Variants in AP1AR observed in about 807,000 individuals in gnomAD.
AP1AR encodes the protein adaptor related protein complex 1 associated regulatory protein.
In AP1AR, 29 loss-of-function variants were observed where a neutral mutation model predicts 46.3. The observed-to-expected ratio is 0.63, with a 90% CI of 0.47 to 0.85. AP1AR has a LOEUF of 0.85. Among genes scored for constraint, AP1AR ranks in the 40% least tolerant of loss-of-function variants. AP1AR has a pLI of 0.00. For missense variants in AP1AR, 357 were observed against 356.3 expected, an observed-to-expected ratio of 1.00 and a Z score of -0.02; for synonymous variants, 122 against 122.9, an observed-to-expected ratio of 0.99 and a Z score of 0.05.
chr4:112,255,757 G>A (rs1352514363), intron 3 of AP1AR, among the ~76,000 whole-genome samples: 1 of 152,146 alleles, frequency 6.6e-6, no homozygotes. Context: ...AAATGAGAAG[G>A]GAGTGCATTT....
intron 1 of AP1AR, among the ~76,000 whole-genome samples, chr4:112,241,738 A>G (rs995865239): frequency 1.3e-5 from 2 of 152,216 alleles, no homozygotes; most frequent in Non-Finnish European, 2.9e-5. Context: ...TGTCACTGCT[A>G]TCCCTACCTG....
In AP1AR at chr4:112,232,142, G is replaced by A. The variant is rs563869130; in HGVS notation, c.51G>A (p.Ala17=). ...GCTTCGGACTGCTTCGCAAGGAAGC[G>A]GGGCGGCTGCAGCGAGTAGGCGGCG... is the stretch of plus-strand genomic sequence containing the variant. The part of the protein sequence containing the change: ...TQCFGLLRKE[A]GRLQRVGGGG... The change falls in exon 1 of 10, where the codon GCG becomes GCA. Residue 17 remains alanine (A), a synonymous_variant. Transcript: ENST00000274000. 1.5e-5 allele frequency: 19 copies of A among 1,283,946 alleles called. No individual in the cohort carries two copies. The Admixed American group carries it at 3.7e-4, about 25-fold the overall frequency. 79.5% of individuals were successfully genotyped at this position (1,283,946 alleles called of 1,614,324 possible).
intron 1 of AP1AR, among the ~76,000 whole-genome samples, chr4:112,240,343 T>C (rs764375872): frequency 6.6e-6 from 1 of 152,258 alleles, no homozygotes; most frequent in Non-Finnish European, 1.5e-5. Context: ...AACCATCTCC[T>C]ACCCTCCAGA....
intron 6 of AP1AR, among the ~76,000 whole-genome samples, chr4:112,263,464 G>GTT (rs561616152): frequency 5.6e-5 from 8 of 142,346 alleles, no homozygotes; most frequent in Admixed American, 2.1e-4. Context: ...TTTTGTGAGG[G>GTT]TTTTTTTTTT....
intron 1 of AP1AR, among the ~76,000 whole-genome samples, chr4:112,246,845 TAC>T (rs1725745920): frequency 2.6e-5 from 4 of 152,368 alleles, no homozygotes; most frequent in African/African-American, 9.6e-5. Context: ...GGGACTTTTC[TAC>T]AGAGTTTGGC....
chr4:112,237,397 C>T (rs1225624657), intron 1 of AP1AR, among the ~76,000 whole-genome samples: 2 of 152,110 alleles, frequency 1.3e-5, no homozygotes, highest in Non-Finnish European at 2.9e-5. Flanking sequence ...TGAGCCACTG[C>T]GCCTGGCCAA....
At chr4:112,261,842 C>CT (rs1046372683) in intron 5 of AP1AR, among the ~76,000 whole-genome samples, 20 of 151,612 alleles carry the variant, frequency 1.3e-4, no homozygotes, top group East Asian at 7.8e-4. Context: ...TGGTAGCATG[C>CT]ACCTATAGTC....
chr4:112,236,708 T>C (rs572532478), intron 1 of AP1AR, among the ~76,000 whole-genome samples: 2 of 152,048 alleles, frequency 1.3e-5, no homozygotes, highest in East Asian at 3.9e-4. Flanking sequence ...GCCCTAAATT[T>C]AAAAGTCTTT....
chr4:112,255,150 G>A (rs1016695234), intron 3 of AP1AR, among the ~76,000 whole-genome samples: 4 of 151,822 alleles, frequency 2.6e-5, no homozygotes, highest in Admixed American at 6.6e-5. Context: ...TAGTAGAGAC[G>A]GGGTTTCACC....
At chr4:112,265,849 T>A in intron 8 of AP1AR, 42 bp downstream of exon 8, 2 of 1,278,430 alleles carry the variant, frequency 1.6e-6, no homozygotes, top group Non-Finnish European at 2.2e-6. Context: ...TATGCCACAG[T>A]AAACAGATAA....
chr4:112,242,841 C>T (rs567312000), intron 1 of AP1AR, among the ~76,000 whole-genome samples: 9 of 152,286 alleles, frequency 5.9e-5, no homozygotes, highest in East Asian at 3.9e-4. Flanking sequence ...AGAGTGGATA[C>T]GCAGAAGCCT....
chr4:112,248,354 T>C (rs530573411), intron 1 of AP1AR, among the ~76,000 whole-genome samples: 5 of 152,290 alleles, frequency 3.3e-5, no homozygotes. Flanking sequence ...AATAGAAATA[T>C]AGATTGGACT....
intron 3 of AP1AR, among the ~76,000 whole-genome samples, chr4:112,257,329 A>G (rs547679028): frequency 1.2e-4 from 19 of 152,224 alleles, no homozygotes; most frequent in Non-Finnish European, 2.6e-4. Context: ...TGAATGACCA[A>G]GAGAGCTCAA....
At chr4:112,256,935 A>G (rs1476922485) in intron 3 of AP1AR, among the ~76,000 whole-genome samples, 5 of 152,236 alleles carry the variant, frequency 3.3e-5, no homozygotes, top group Non-Finnish European at 1.5e-5. Flanking sequence ...CAATCAGTAT[A>G]TAGCCTCATT....
At position 112,263,102 on chromosome 4, in the gene AP1AR, C is replaced by G; in HGVS notation, c.381+16C>G. 1.9e-6 allele frequency: 3 copies of G among 1,596,002 alleles called. No homozygotes were observed. Among genetic ancestry groups the G allele is most frequent in the Middle Eastern group, 1.7e-4 (1 of 6,008 alleles). The stretch of plus-strand genomic sequence containing the variant: ...GCTCTTGGAGGTGAGGGGAAAAGAC[C>G]CCAGCATATATTAGGGTTGCTTTTC... On this transcript the variant is annotated intron_variant, in intron 6 of 9. Transcript: ENST00000274000.
In AP1AR at chr4:112,270,237, G is replaced by A. The variant is rs1726895121; in HGVS notation, c.*1828G>A. 6.6e-6 allele frequency among the ~76,000 whole-genome samples: 1 copy of A among 152,118 alleles called. No homozygotes were observed. Among genetic ancestry groups the A allele is most frequent in the Non-Finnish European group, 1.5e-5 (1 of 68,006 alleles). On this transcript the variant is annotated 3_prime_UTR_variant, in exon 10 of 10. Transcript: ENST00000274000. ...ACGTTTTGTTTTGTGTTTATAAAAAGTACTAGAAATAACTTATTCAGCAAA... is the reference window on the plus strand; with the variant it reads ...ACGTTTTGTTTTGTGTTTATAAAAAATACTAGAAATAACTTATTCAGCAAA...
intron 8 of AP1AR, among the ~76,000 whole-genome samples, chr4:112,266,247 A>T (rs1333049865): frequency 2.0e-5 from 3 of 151,814 alleles, no homozygotes; most frequent in Non-Finnish European, 3.0e-5. Context: ...CCTTTTGAAA[A>T]TATAGGTTGC....
At position 112,263,059 on chromosome 4, in the gene AP1AR, G is replaced by A. The variant is rs1298201367; in HGVS notation, c.354G>A (p.Arg118=). ...ALYAAQREAA[R]AAKQRKLLEQ... is the part of the protein sequence containing the mutation. The stretch of plus-strand genomic sequence containing the variant: ...ACGCTGCACAGCGTGAAGCAGCCAG[G>A]GCAGCAAAGCAGCGAAAGCTCTTGG... Residue 118 remains arginine (R), a synonymous_variant, in exon 6 of 10, where the codon AGG becomes AGA. Coordinates refer to ENST00000274000, the MANE Select transcript of AP1AR (RefSeq NM_018569.6). The A allele has an allele frequency of 1.2e-6, 2 of 1,613,610 alleles. No homozygotes were observed. Among genetic ancestry groups the A allele is most frequent in the South Asian group, 1.1e-5 (1 of 91,028 alleles).
chr4:112,252,394 A>G (rs1370999169), intron 1 of AP1AR, among the ~76,000 whole-genome samples: 7 of 152,220 alleles, frequency 4.6e-5, no homozygotes, highest in African/African-American at 1.7e-4. Flanking sequence ...GTTCTCCATC[A>G]GTTTTGGCAG....
Sources: gnomAD v4.1 joint callset for allele counts (sites outside exome capture counted in the v4.1 genomes callset) on GRCh38, gnomAD v4.1.1 for gene constraint, MANE v1.5 for transcripts, NCBI Gene and HGNC (gene_info 2026-07-23, HGNC 2026-07-21) for gene names.